The following CHST9 variants were observed in gnomAD, a reference collection of about 807,000 sequenced individuals.
The protein encoded by CHST9 is carbohydrate sulfotransferase 9.
CHST9 carries 41 observed loss-of-function variants against 44.4 expected under a neutral mutation model. That is an observed-to-expected ratio of 0.92 (90% CI 0.72 to 1.20). The LOEUF (loss-of-function observed/expected upper bound fraction) is 1.20. Ranked by LOEUF, CHST9 falls within the 50% of genes most tolerant of loss-of-function variation. The pLI is 0.00. For synonymous variants in CHST9, 171 were observed against 178.4 expected (o/e 0.96, Z 0.33); for missense variants, 504 against 516.5 (o/e 0.98, Z 0.23).
At chr18:27,183,980 C>T (rs964813021) in intron 1 of CHST9, among the ~76,000 whole-genome samples, 45 of 152,108 alleles carry the variant, frequency 3.0e-4, no homozygotes, top group African/African-American at 1.1e-3. Context: ...AAAGAGGCCC[C>T]TGTCCTTCAA....
chr18:27,117,325 C>A (rs553670086), intron 2 of CHST9, among the ~76,000 whole-genome samples: 6 of 152,018 alleles, frequency 3.9e-5, no homozygotes, highest in Non-Finnish European at 7.4e-5. Context: ...ATACCCCCTG[C>A]CCCACACAAG....
rs1270201450 is a variant in CHST9 at position 26,913,365 on chromosome 18, A to G, written c.*2894T>C. ...CCATTGAATTAATGGATATTTCCAAATGTTTGAGAAAATCCGAAAACTGGA... is the reference window on the plus strand; with the variant it reads ...CCATTGAATTAATGGATATTTCCAAGTGTTTGAGAAAATCCGAAAACTGGA... On this transcript the variant is annotated 3_prime_UTR_variant, in exon 6 of 6. Coordinates refer to ENST00000618847, the MANE Select transcript of CHST9 (RefSeq NM_031422.6). The G allele has an allele frequency of 6.6e-6, 1 of 152,136 alleles. No individual in the cohort carries two copies. Among genetic ancestry groups the G allele is most frequent in the African/African-American group, 2.4e-5 (1 of 41,420 alleles). 9.4% of individuals were successfully genotyped at this position (152,136 alleles called of 1,614,324 possible).
At chr18:27,094,833 G>A (rs60999385) in intron 2 of CHST9, among the ~76,000 whole-genome samples, 4,108 of 152,282 alleles carry the variant, frequency 0.027, 177 homozygotes, top group African/African-American at 0.092. Flanking sequence ...GCTAGCTAGT[G>A]TCTAAGGCAG....
intron 4 of CHST9, among the ~76,000 whole-genome samples, chr18:26,999,514 T>C (rs945677175): frequency 7.9e-5 from 12 of 152,144 alleles, no homozygotes; most frequent in African/African-American, 2.9e-4. Context: ...TGATATTGAC[T>C]TTACTAGGTC....
chr18:26,959,571 A>G (rs2056372930), intron 4 of CHST9, among the ~76,000 whole-genome samples: 1 of 152,218 alleles, frequency 6.6e-6, no homozygotes, highest in Non-Finnish European at 1.5e-5. Flanking sequence ...TGGATAGGAC[A>G]TTAACAGAAG....
At chr18:26,954,943 C>A (rs931475248) in intron 4 of CHST9, among the ~76,000 whole-genome samples, 1 of 151,952 alleles carries the variant, frequency 6.6e-6, no homozygotes, top group Non-Finnish European at 1.5e-5. Context: ...TATTGAACAC[C>A]TAGAGTGTTC....
intron 2 of CHST9, among the ~76,000 whole-genome samples, chr18:27,061,211 A>C (rs1568155554): frequency 6.6e-6 from 1 of 152,182 alleles, no homozygotes; most frequent in Non-Finnish European, 1.5e-5. Context: ...AAGCCTCTGA[A>C]TTAATGCACC....
chr18:26,932,716 C>T (rs1051594027), intron 5 of CHST9, among the ~76,000 whole-genome samples: 3 of 152,178 alleles, frequency 2.0e-5, no homozygotes, highest in Non-Finnish European at 2.9e-5. Context: ...CAGTAAGAGA[C>T]CACCTGAGTG....
At chr18:27,169,693 G>A (rs539269572) in intron 1 of CHST9, among the ~76,000 whole-genome samples, 26 of 133,090 alleles carry the variant, frequency 2.0e-4, no homozygotes, top group Admixed American at 1.7e-3. Flanking sequence ...TGCAAGCTCC[G>A]CCTCCCAGGT....
At chr18:27,010,429 AGTT>A (rs747570838) in intron 4 of CHST9, among the ~76,000 whole-genome samples, 2 of 152,202 alleles carry the variant, frequency 1.3e-5, no homozygotes, top group Admixed American at 6.5e-5. Context: ...AAATCAAGAC[AGTT>A]GTTGTCTTAC....
At chr18:26,948,922 G>C (rs1299898748) in intron 4 of CHST9, among the ~76,000 whole-genome samples, 10 of 152,084 alleles carry the variant, frequency 6.6e-5, no homozygotes, top group Admixed American at 6.6e-4. Context: ...TGTAATACAC[G>C]CATACACTTT....
At chr18:26,966,111 C>T (rs539354082) in intron 4 of CHST9, among the ~76,000 whole-genome samples, 9 of 152,264 alleles carry the variant, frequency 5.9e-5, no homozygotes, top group Non-Finnish European at 1.0e-4. Flanking sequence ...GTCTGGCAAT[C>T]CCAATTGATA....
At chr18:27,171,789 AT>A (rs2058835526) in intron 1 of CHST9, among the ~76,000 whole-genome samples, 1 of 152,150 alleles carries the variant, frequency 6.6e-6, no homozygotes, top group African/African-American at 2.4e-5. Flanking sequence ...TTTATTTCCA[AT>A]AATTATGATT....
intron 5 of CHST9, among the ~76,000 whole-genome samples, chr18:26,923,419 C>G (rs1220188399): frequency 6.6e-6 from 1 of 152,232 alleles, no homozygotes; most frequent in African/African-American, 2.4e-5. Flanking sequence ...ATAACCCCCA[C>G]TAGCATCAAG....
At chr18:27,057,932 C>T (rs10502483) in intron 2 of CHST9, among the ~76,000 whole-genome samples, 50,886 of 152,184 alleles carry the variant, frequency 0.33, 9,832 homozygotes, top group Non-Finnish European at 0.45. Context: ...CCGACAAGCA[C>T]GTAATTAATG....
chr18:26,954,886 C>T (rs2056300771), intron 4 of CHST9, among the ~76,000 whole-genome samples: 1 of 151,972 alleles, frequency 6.6e-6, no homozygotes, highest in Non-Finnish European at 1.5e-5. Flanking sequence ...CCTAAGGACC[C>T]AGCTCAGTGA....
At chr18:27,178,750 CCTCAACTTCTAATATG>C (rs2058887901) in intron 1 of CHST9, among the ~76,000 whole-genome samples, 1 of 151,914 alleles carries the variant, frequency 6.6e-6, no homozygotes, top group Admixed American at 6.6e-5. Flanking sequence ...CACCCCTTAC[CCTCAACTTCTAATATG>C]CTGCACAGGA....
At chr18:27,160,511 C>T (rs1419640550) in intron 1 of CHST9, among the ~76,000 whole-genome samples, 2 of 152,144 alleles carry the variant, frequency 1.3e-5, no homozygotes, top group Non-Finnish European at 2.9e-5. Flanking sequence ...ATTCGGTTTG[C>T]CAGTATTTTA....
At chr18:27,111,247 C>T (rs913651337) in intron 2 of CHST9, among the ~76,000 whole-genome samples, 1 of 152,180 alleles carries the variant, frequency 6.6e-6, no homozygotes, top group African/African-American at 2.4e-5. Context: ...CACCCTATGT[C>T]CTGCTTTCTA....
Sources: gnomAD v4.1 joint callset for allele counts (sites outside exome capture counted in the v4.1 genomes callset) on GRCh38, gnomAD v4.1.1 for gene constraint, MANE v1.5 for transcripts, NCBI Gene and HGNC (gene_info 2026-07-23, HGNC 2026-07-21) for gene names.